CLIC5: variants seen among roughly 807,000 people sequenced by gnomAD.
CLIC5 encodes the protein CLIC family member 5.
A neutral mutation model predicts 24.7 loss-of-function variants in CLIC5; 20 were observed. The observed-to-expected ratio is 0.81, with a 90% CI of 0.57 to 1.18. The LOEUF (loss-of-function observed/expected upper bound fraction) is 1.18, where lower values mean the gene tolerates loss of function less well. CLIC5 is among the 50% of genes most tolerant of loss of function. CLIC5 has a pLI of 0.00. For missense variants in CLIC5, 341 were observed against 326.1 expected (o/e 1.05, Z -0.35); for synonymous variants, 159 against 135.6 (o/e 1.17, Z -1.20).
chr6:45,980,611 A>T (rs967040959), intron 1 of CLIC5, among the ~76,000 whole-genome samples: 1 of 152,184 alleles, frequency 6.6e-6, no homozygotes, highest in African/African-American at 2.4e-5. Flanking sequence ...ATCACCACAA[A>T]GAAAAGAATA....
chr6:46,050,282 C>G (rs1304359833), intron 1 of CLIC5, among the ~76,000 whole-genome samples: 1 of 152,216 alleles, frequency 6.6e-6, no homozygotes, highest in Non-Finnish European at 1.5e-5. Context: ...CACCCAGTCT[C>G]TGACGCTGTT....
At chr6:46,116,247 G>T in the CLIC5 span, among the ~76,000 whole-genome samples, 4 of 152,054 alleles carry the variant, frequency 2.6e-5, no homozygotes, top group East Asian at 5.8e-4. Context: ...AGATGTATTT[G>T]TTTTTTTCTG....
At chr6:45,906,805 G>A (rs564296823) in intron 5 of CLIC5, among the ~76,000 whole-genome samples, 24 of 152,074 alleles carry the variant, frequency 1.6e-4, no homozygotes, top group South Asian at 6.2e-4. Flanking sequence ...CAGTCGATCC[G>A]CCTGCCTCAG....
At chr6:45,977,161 A>G (rs1765412896) in intron 1 of CLIC5, among the ~76,000 whole-genome samples, 1 of 152,194 alleles carries the variant, frequency 6.6e-6, no homozygotes, top group Non-Finnish European at 1.5e-5. Flanking sequence ...TTGAATAACA[A>G]GGATTATAGT....
the CLIC5 span, among the ~76,000 whole-genome samples, chr6:46,113,133 C>G: frequency 2.6e-5 from 4 of 152,080 alleles, no homozygotes; most frequent in African/African-American, 4.8e-5. Flanking sequence ...TTGGAGGGAA[C>G]TGAGGTCTGG....
At chr6:45,941,952 A>G (rs145540591) in intron 3 of CLIC5, among the ~76,000 whole-genome samples, 6 of 152,246 alleles carry the variant, frequency 3.9e-5, no homozygotes, top group Non-Finnish European at 7.4e-5. Flanking sequence ...ACCACCAATA[A>G]GGATGTGCCA....
At chr6:45,943,796 G>A (rs1326677447) in intron 3 of CLIC5, among the ~76,000 whole-genome samples, 1 of 152,158 alleles carries the variant, frequency 6.6e-6, no homozygotes, top group African/African-American at 2.4e-5. Flanking sequence ...GGGGGCTGTG[G>A]TGGTGTCATC....
intron 1 of CLIC5, among the ~76,000 whole-genome samples, chr6:45,964,998 A>G (rs1185548866): frequency 6.6e-6 from 1 of 152,208 alleles, no homozygotes; most frequent in East Asian, 1.9e-4. Flanking sequence ...ATTTAGGAAG[A>G]GCTTGTTAAA....
chr6:45,913,759 GA>G (rs1762906244), intron 5 of CLIC5: 1 of 1,230,102 alleles, frequency 8.1e-7, no homozygotes, highest in Admixed American at 4.2e-5. Context: ...GATAGATGAG[GA>G]AAATAATGTG....
At chr6:46,088,409 T>C in the CLIC5 span, among the ~76,000 whole-genome samples, 5 of 152,174 alleles carry the variant, frequency 3.3e-5, no homozygotes, top group Non-Finnish European at 2.9e-5. Flanking sequence ...GCTTGAAATA[T>C]ATACACAGCT....
chr6:45,962,089 C>T (rs899600979), intron 1 of CLIC5, among the ~76,000 whole-genome samples: 1 of 150,590 alleles, frequency 6.6e-6, no homozygotes, highest in Admixed American at 6.6e-5. Context: ...CACACACACA[C>T]ACACATCCTG....
chr6:46,059,247 C>G (rs749410822), intron 1 of CLIC5, among the ~76,000 whole-genome samples: 1 of 152,242 alleles, frequency 6.6e-6, no homozygotes, highest in African/African-American at 2.4e-5. Flanking sequence ...GAGATAATCA[C>G]ACAAGGGTGT....
chr6:45,968,684 T>C (rs1765095106), intron 1 of CLIC5, among the ~76,000 whole-genome samples: 1 of 152,214 alleles, frequency 6.6e-6, no homozygotes. Flanking sequence ...TCCTTTTTAA[T>C]TAATTGGAGG....
chr6:46,018,036 C>T (rs1256442097), upstream of CLIC5, among the ~76,000 whole-genome samples: 2 of 152,292 alleles, frequency 1.3e-5, no homozygotes, highest in African/African-American at 2.4e-5. Context: ...CAGTCACCTT[C>T]ACAGCTGTAC....
At chr6:46,008,185 C>A (rs1168760629) in intron 1 of CLIC5, among the ~76,000 whole-genome samples, 1 of 152,182 alleles carries the variant, frequency 6.6e-6, no homozygotes, top group Admixed American at 6.5e-5. Context: ...TTCAAGGCCC[C>A]CTCCTGCCAC....
At chr6:45,895,874 A>G (rs1762389280), downstream of CLIC5, among the ~76,000 whole-genome samples, 1 of 152,182 alleles carries the variant, frequency 6.6e-6, no homozygotes, top group South Asian at 2.1e-4. Flanking sequence ...CATTTGTATT[A>G]TGCATCTCAG....
chr6:46,052,879 T>G (rs1398725099), intron 1 of CLIC5, among the ~76,000 whole-genome samples: 1 of 151,998 alleles, frequency 6.6e-6, no homozygotes, highest in Non-Finnish European at 1.5e-5. Context: ...ATCCATTCCC[T>G]GATCACCCCA....
intron 1 of CLIC5, among the ~76,000 whole-genome samples, chr6:46,060,084 G>A (rs914640706): frequency 1.3e-5 from 2 of 152,116 alleles, no homozygotes; most frequent in African/African-American, 4.8e-5. Flanking sequence ...TAAAAAACAA[G>A]AGGAGAACAC....
chr6:46,089,715 T>A, the CLIC5 span, among the ~76,000 whole-genome samples: 79 of 152,262 alleles, frequency 5.2e-4, no homozygotes, highest in African/African-American at 1.7e-3. Context: ...CTAAGCCACA[T>A]CAACTTTCTT....
Sources: gnomAD v4.1 joint callset for allele counts (sites outside exome capture counted in the v4.1 genomes callset) on GRCh38, gnomAD v4.1.1 for gene constraint, MANE v1.5 for transcripts, NCBI Gene and HGNC (gene_info 2026-07-23, HGNC 2026-07-21) for gene names.